The following SGO2 variants were observed in gnomAD, a reference collection of about 807,000 sequenced individuals.
SGO2 encodes the protein shugoshin-like 2.
A neutral mutation model predicts 99.5 loss-of-function variants in SGO2; 68 were observed. The observed-to-expected ratio is 0.68, with a 90% CI of 0.56 to 0.84. SGO2 has a LOEUF of 0.84. Among genes scored for constraint, SGO2 ranks in the 40% least tolerant of loss-of-function variants. The pLI is 0.00. For synonymous variants in SGO2, 457 were observed against 487.1 expected (o/e 0.94, Z 0.81); for missense variants, 1,350 against 1,436.7 (o/e 0.94, Z 0.97).
intron 1 of SGO2, among the ~76,000 whole-genome samples, chr2:200,528,226 A>G (rs975892912): frequency 1.3e-5 from 2 of 152,216 alleles, no homozygotes; most frequent in Admixed American, 1.3e-4. Context: ...TGGGAGTAAC[A>G]TGAATTTACT....
At chr2:200,550,558 C>T (rs545224780) in intron 5 of SGO2, among the ~76,000 whole-genome samples, 1 of 152,198 alleles carries the variant, frequency 6.6e-6, no homozygotes, top group South Asian at 2.1e-4. Context: ...ACAACCAACT[C>T]ATCTTCTGCA....
Position 200,535,001 on chromosome 2 carries a change from TC to T in SGO2, c.140del (p.Ser47PhefsTer8). On this transcript the variant is annotated frameshift_variant, in exon 3 of 9. Coordinates refer to ENST00000357799, the MANE Select transcript of SGO2 (RefSeq NM_152524.6). LOFTEE classifies it high-confidence loss of function. Reference sequence around the variant, plus strand: ...TTTTAAAAATCTTTTTACAGATAATTCTTCTATTTTCAAAATATCTTTAAAG... The same window carrying T: ...TTTTAAAAATCTTTTTACAGATAATTTTCTATTTTCAAAATATCTTTAAAG... ...SKIKTKILNNSSIFKISLKHN... is the reference protein window; with the variant it reads ...SKIKTKILNNXSIFKISLKHN... 1 of 1,523,712 alleles carries T rather than the reference TC, an allele frequency of 6.6e-7. No individual in the cohort carries two copies. Among genetic ancestry groups the T allele is most frequent in the Non-Finnish European group, 8.7e-7 (1 of 1,147,286 alleles). 94.4% of individuals were successfully genotyped at this position (1,523,712 alleles called of 1,614,324 possible).
At position 200,573,011 on chromosome 2, in the gene SGO2, T is replaced by G. The variant is rs376405620; in HGVS notation, c.2665T>G (p.Tyr889Asp). 1.9e-6 allele frequency: 3 copies of G among 1,573,720 alleles called. No individual in the cohort carries two copies. Among genetic ancestry groups the G allele is most frequent in the Non-Finnish European group, 2.6e-6 (3 of 1,166,136 alleles). ...DTQNILELKK[Y>D]VTDRKSAEQN... ...CCAGAATATATTGGAGTTGAAAAAG[T>G]ATGTTACTGATAGGAAATCTGCTGA... The change falls in exon 7 of 9, where the codon TAT (tyrosine) becomes GAT (aspartate). Residue 889 changes from tyrosine (Y) to aspartate (D), a missense_variant. Coordinates refer to ENST00000357799, the MANE Select transcript of SGO2 (RefSeq NM_152524.6).
rs775995255 is a variant in SGO2 at position 200,569,741 on chromosome 2, A to G, written c.552A>G (p.Thr184=). The change falls in exon 6 of 9, where the codon ACA becomes ACG. Residue 184 remains threonine, a synonymous_variant. Transcript: ENST00000357799. ...GTGACAACAATATTAAATCAAAGAC[A>G]TTACCTGATATTCCCTCTTCAGGAT... The part of the protein sequence containing the change: ...MQCDNNIKSK[T]LPDIPSSGST... 3 of 1,613,116 alleles carry G rather than the reference A, an allele frequency of 1.9e-6. No homozygotes were observed. The highest frequency in any genetic ancestry group is 2.5e-6 in the Non-Finnish European group (3 of 1,179,328).
chr2:200,551,940 T>C (rs758715523), intron 5 of SGO2, among the ~76,000 whole-genome samples: 3 of 152,216 alleles, frequency 2.0e-5, no homozygotes, highest in Non-Finnish European at 4.4e-5. Flanking sequence ...ATTTTTATTC[T>C]TCAACATTAG....
In SGO2 at chr2:200,550,455, A is replaced by G. The variant is rs577906687; in HGVS notation, c.473+7791A>G. Among the ~76,000 whole-genome samples the G allele has an allele frequency of 2.6e-5, 4 of 152,348 alleles. No homozygotes were observed. In the South Asian group the frequency reaches 8.3e-4, roughly 32 times the overall value. Reference sequence around the variant, plus strand: ...ACACTACATGACTTCAAAATTTATGACAAAGCTGTAGTAAACAAAACAGCA... The same window carrying G: ...ACACTACATGACTTCAAAATTTATGGCAAAGCTGTAGTAAACAAAACAGCA... On this transcript the variant is annotated intron_variant, in intron 5 of 8. Transcript: ENST00000357799.
At position 200,569,847 on chromosome 2, in the gene SGO2, G is replaced by T. The variant is rs758431903; in HGVS notation, c.658G>T (p.Asp220Tyr). 1 of 1,602,132 alleles carries T rather than the reference G, an allele frequency of 6.2e-7. No homozygotes were observed. Among genetic ancestry groups the T allele is most frequent in the Non-Finnish European group, 8.6e-7 (1 of 1,169,390 alleles). Residue 220 changes from aspartate (D) to tyrosine (Y), a missense_variant, in exon 6 of 9, where the codon GAT (aspartate) becomes TAT (tyrosine). Physicochemically the swap from Asp to Tyr is radical, Grantham distance 160 (BLOSUM62 -3). Transcript: ENST00000357799. ...AAATAATCAAAATGTATATGGTTTA[G>T]ATGATTCAGAACATATTTCTTCTAT... ...KENNQNVYGL[D>Y]DSEHISSIVD...
chr2:200,556,874 A>G (rs1485551788), intron 5 of SGO2, among the ~76,000 whole-genome samples: 1 of 152,204 alleles, frequency 6.6e-6, no homozygotes, highest in African/African-American at 2.4e-5. Context: ...AGGGAGAGAG[A>G]GAGAGATTGC....
chr2:200,572,319 C>T lies in SGO2; in HGVS notation c.1973C>T (p.Ser658Phe), dbSNP rs1401535240. Residue 658 changes from serine (S) to phenylalanine (F), a missense_variant, in exon 7 of 9, where the codon TCT becomes TTT. Physicochemically the swap from Ser to Phe is radical, Grantham distance 155. Transcript: ENST00000357799. ...FKTQEDKEPISENIEVSKELQ... is the reference protein window; with the variant it reads ...FKTQEDKEPIFENIEVSKELQ... ...ACCCAAGAGGATAAAGAACCTATCT[C>T]TGAAAACATAGAAGTTTCCAAAGAG... The T allele has an allele frequency of 6.2e-7, 1 of 1,608,582 alleles. No homozygotes were observed. Among genetic ancestry groups the T allele is most frequent in the African/African-American group, 1.3e-5 (1 of 74,402 alleles).
chr2:200,561,103 G>GT (rs2032938761), intron 5 of SGO2, among the ~76,000 whole-genome samples: 1 of 152,080 alleles, frequency 6.6e-6, no homozygotes, highest in African/African-American at 2.4e-5. Flanking sequence ...GTGCAGGTTT[G>GT]TTACATATGT....
At chr2:200,564,008 C>G (rs2033085369) in intron 5 of SGO2, among the ~76,000 whole-genome samples, 1 of 152,072 alleles carries the variant, frequency 6.6e-6, no homozygotes, top group African/African-American at 2.4e-5. Context: ...TCAAAAAAAC[C>G]AGCTCCTGGA....
chr2:200,546,230 G>A (rs1254350853), intron 5 of SGO2, among the ~76,000 whole-genome samples: 1 of 151,228 alleles, frequency 6.6e-6, no homozygotes, highest in Non-Finnish European at 1.5e-5. Flanking sequence ...GTGGGTGCCT[G>A]TAGTCCCAGT....
chr2:200,574,768 C>G (rs1421467275), intron 7 of SGO2, among the ~76,000 whole-genome samples: 1 of 151,932 alleles, frequency 6.6e-6, no homozygotes, highest in Non-Finnish European at 1.5e-5. Flanking sequence ...CATGCAGACC[C>G]AAATCTATGG....
chr2:200,534,912 A>C, intron 2 of SGO2, 84 bp from the exon 3 acceptor site: 1 of 909,680 alleles, frequency 1.1e-6, no homozygotes, highest in East Asian at 3.3e-5. Context: ...TGTGAAATGC[A>C]TTTTGTCTAT....
intron 4 of SGO2, among the ~76,000 whole-genome samples, chr2:200,539,198 C>T (rs1292320874): frequency 6.6e-6 from 1 of 151,948 alleles, no homozygotes; most frequent in African/African-American, 2.4e-5. Flanking sequence ...GGATATTGGT[C>T]CCCTTAGGAA....
chr2:200,551,048 G>A (rs1332083176), intron 5 of SGO2, among the ~76,000 whole-genome samples: 12 of 150,406 alleles, frequency 8.0e-5, no homozygotes, highest in African/African-American at 2.9e-4. Context: ...AATTAACATA[G>A]CCACTATGCA....
In SGO2 at chr2:200,569,783, A is replaced by G. The variant is rs1416069938; in HGVS notation, c.594A>G (p.Leu198=). The G allele has an allele frequency of 5.6e-6, 9 of 1,611,458 alleles. No individual in the cohort carries two copies. Among genetic ancestry groups the G allele is most frequent in the African/African-American group, 2.7e-5 (2 of 74,868 alleles). Residue 198 remains leucine, a synonymous_variant, in exon 6 of 9, where the codon TTA becomes TTG. Coordinates refer to ENST00000357799, the MANE Select transcript of SGO2 (RefSeq NM_152524.6). ...IPSSGSTTQP[L]STQDNSEVLF... ...CTTCAGGATCAACAACACAACCTTT[A>G]TCAACTCAGGATAATTCGGAAGTGT... is the stretch of plus-strand genomic sequence containing the variant.
chr2:200,572,818 A>G lies in SGO2; in HGVS notation c.2472A>G (p.Gln824=). The change falls in exon 7 of 9, where the codon CAA becomes CAG. Residue 824 remains glutamine (Q), a synonymous_variant. Coordinates refer to ENST00000357799, the MANE Select transcript of SGO2 (RefSeq NM_152524.6). Reference sequence around the variant, plus strand: ...CAGAAATAATTCCTGAAACCAACCAAATATATGAGAATGATAACAAAGGTG... The same window carrying G: ...CAGAAATAATTCCTGAAACCAACCAGATATATGAGAATGATAACAAAGGTG... ...QKSEIIPETN[Q]IYENDNKGVH... 6.2e-7 allele frequency: 1 copy of G among 1,611,750 alleles called. No individual in the cohort carries two copies. The highest frequency in any genetic ancestry group is 1.1e-5 in the South Asian group (1 of 90,498).
chr2:200,574,053 G>A (rs2033563762), intron 7 of SGO2, 76 bp downstream of exon 7: 1 of 1,187,978 alleles, frequency 8.4e-7, no homozygotes, highest in African/African-American at 1.5e-5. Flanking sequence ...TACTTAGCCA[G>A]TGAAGTATTT....
Sources: allele counts gnomAD v4.1 joint callset (sites outside exome capture counted in the v4.1 genomes callset), GRCh38; gene constraint gnomAD v4.1.1; transcripts MANE v1.5; gene names NCBI Gene and HGNC (gene_info 2026-07-23, HGNC 2026-07-21).